The following SORCS3 variants were observed in gnomAD, a reference collection of about 807,000 sequenced individuals.
The protein encoded by SORCS3 is VPS10 domain-containing receptor SorCS3.
SORCS3 carries 57 observed loss-of-function variants against 146.3 expected under a neutral mutation model. The ratio of observed to expected loss-of-function variants is 0.39; its 90% confidence interval spans 0.31 to 0.49. The LOEUF (loss-of-function observed/expected upper bound fraction) is 0.49, where lower values mean the gene tolerates loss of function less well. SORCS3 is among the 20% of genes least tolerant of loss of function. SORCS3 has a pLI of 0.92. For missense variants in SORCS3, 1,341 were observed against 1,575.5 expected (o/e 0.85, Z 2.52); for synonymous variants, 653 against 618.5 (o/e 1.06, Z -0.83).
chr10:105,047,651 A>G (rs1404797502), intron 5 of SORCS3, among the ~76,000 whole-genome samples: 1 of 152,124 alleles, frequency 6.6e-6, no homozygotes, highest in African/African-American at 2.4e-5. Flanking sequence ...GGGAATGTGT[A>G]TCTTGAAGAC....
intron 1 of SORCS3, among the ~76,000 whole-genome samples, chr10:104,835,313 A>G (rs2018054224): frequency 6.6e-6 from 1 of 152,094 alleles, no homozygotes; most frequent in Admixed American, 6.5e-5. Context: ...TTATGTTACC[A>G]TTGTCTACCA....
chr10:104,948,092 A>C (rs958392623), intron 3 of SORCS3, among the ~76,000 whole-genome samples: 8 of 152,214 alleles, frequency 5.3e-5, no homozygotes, highest in African/African-American at 1.9e-4. Context: ...ACACATAGAC[A>C]ACTATCATGC....
Position 104,850,346 on chromosome 10 carries a change from G to A in SORCS3, c.695+7487G>A, listed in dbSNP as rs138596381. ...ACCTATAATCCTAGCATTTTGGGAG[G>A]CTGAGGCAAGCAGATGGCTTGAGCT... On this transcript the variant is annotated intron_variant, in intron 2 of 26. Coordinates refer to ENST00000369701, the MANE Select transcript of SORCS3 (RefSeq NM_014978.3). Among the ~76,000 whole-genome samples the A allele has an allele frequency of 5.7e-3, 864 of 152,292 alleles. 13 individuals carry two copies. Among genetic ancestry groups the A allele is most frequent in the African/African-American group, 0.019 (803 of 41,568 alleles).
chr10:104,681,978 T>G (rs1175519918), intron 1 of SORCS3, among the ~76,000 whole-genome samples: 1 of 152,252 alleles, frequency 6.6e-6, no homozygotes, highest in African/African-American at 2.4e-5. Context: ...TTTTAATGAT[T>G]TATCTATTGA....
chr10:104,853,375 T>G (rs1168197488), intron 2 of SORCS3, among the ~76,000 whole-genome samples: 1 of 152,148 alleles, frequency 6.6e-6, no homozygotes, highest in Non-Finnish European at 1.5e-5. Context: ...TTCATAAAGG[T>G]TTTTGGTTGC....
chr10:105,007,340 A>G (rs748695829), intron 4 of SORCS3, among the ~76,000 whole-genome samples: 27 of 152,200 alleles, frequency 1.8e-4, no homozygotes, highest in Non-Finnish European at 3.4e-4. Context: ...AACAACAACA[A>G]TTAATACCAG....
intron 9 of SORCS3, among the ~76,000 whole-genome samples, chr10:105,148,019 C>T (rs2056143972): frequency 6.6e-6 from 1 of 152,012 alleles, no homozygotes; most frequent in South Asian, 2.1e-4. Context: ...GGATATACTG[C>T]ATCTAGTGTA....
intron 6 of SORCS3, among the ~76,000 whole-genome samples, chr10:105,096,536 A>G (rs566632776): frequency 1.3e-5 from 2 of 152,270 alleles, no homozygotes; most frequent in Admixed American, 1.3e-4. Flanking sequence ...CATTATGCTA[A>G]AGGCCACGGA....
intron 5 of SORCS3, 23 bp downstream of exon 5, chr10:105,043,151 T>G: frequency 6.2e-7 from 1 of 1,601,210 alleles, no homozygotes. Flanking sequence ...CACACACTCA[T>G]TACTTCTTAG....
At chr10:105,248,523 G>T (rs527730442) in intron 22 of SORCS3, among the ~76,000 whole-genome samples, 24 of 152,174 alleles carry the variant, frequency 1.6e-4, no homozygotes, top group African/African-American at 5.8e-4. Flanking sequence ...AGACCATCCT[G>T]GCCAACATGG....
chr10:104,831,788 T>A (rs1010114027), intron 1 of SORCS3, among the ~76,000 whole-genome samples: 1 of 152,134 alleles, frequency 6.6e-6, no homozygotes, highest in African/African-American at 2.4e-5. Flanking sequence ...TGCACCTTGC[T>A]GGGTCACAGA....
intron 7 of SORCS3, among the ~76,000 whole-genome samples, chr10:105,108,621 C>G (rs2055838967): frequency 6.6e-6 from 1 of 152,158 alleles, no homozygotes; most frequent in African/African-American, 2.4e-5. Flanking sequence ...CTAGATCCCA[C>G]TGGGCCTTGA....
At chr10:105,252,376 T>G (rs1379710003) in intron 22 of SORCS3, among the ~76,000 whole-genome samples, 1 of 152,214 alleles carries the variant, frequency 6.6e-6, no homozygotes, top group African/African-American at 2.4e-5. Context: ...TTCTTTAAAT[T>G]TGCATTTTCC....
intron 6 of SORCS3, among the ~76,000 whole-genome samples, chr10:105,097,526 C>T (rs1449706758): frequency 6.6e-6 from 1 of 152,220 alleles, no homozygotes; most frequent in Non-Finnish European, 1.5e-5. Context: ...AGAGTATTAA[C>T]TCGATGACAT....
chr10:105,227,842 G>T (rs1489271342), intron 20 of SORCS3, among the ~76,000 whole-genome samples: 12 of 151,158 alleles, frequency 7.9e-5, no homozygotes, highest in African/African-American at 2.9e-4. Context: ...CTTAAAGTTT[G>T]TTTCTTTGAT....
At chr10:105,057,200 G>A (rs2055451247) in intron 5 of SORCS3, among the ~76,000 whole-genome samples, 1 of 152,168 alleles carries the variant, frequency 6.6e-6, no homozygotes, top group South Asian at 2.1e-4. Context: ...GGGATGCTTA[G>A]TGATCAAGTT....
chr10:104,924,756 A>T (rs2019122249), intron 3 of SORCS3, among the ~76,000 whole-genome samples: 2 of 152,204 alleles, frequency 1.3e-5, no homozygotes, highest in African/African-American at 4.8e-5. Context: ...TAAAATGGGG[A>T]TAAAAGATCA....
intron 7 of SORCS3, among the ~76,000 whole-genome samples, chr10:105,119,336 G>T (rs2055915116): frequency 6.6e-6 from 1 of 152,210 alleles, no homozygotes; most frequent in South Asian, 2.1e-4. Context: ...AGGCAGAGTT[G>T]TGCTGCAGGA....
intron 1 of SORCS3, among the ~76,000 whole-genome samples, chr10:104,773,795 C>T (rs1177943478): frequency 2.0e-5 from 3 of 152,206 alleles, no homozygotes; most frequent in East Asian, 3.8e-4. Context: ...AGAATCAGTC[C>T]AGGCTGGTTT....
Sources: allele counts gnomAD v4.1 joint callset (sites outside exome capture counted in the v4.1 genomes callset), GRCh38; gene constraint gnomAD v4.1.1; transcripts MANE v1.5; gene names NCBI Gene and HGNC (gene_info 2026-07-23, HGNC 2026-07-21).